The following AKAP19 variants were observed in gnomAD, a reference collection of about 807,000 sequenced individuals.
AKAP19 encodes A-kinase anchoring protein 19.
the AKAP19 span, among the ~76,000 whole-genome samples, chr2:189,882,487 C>A: frequency 0.064 from 9,707 of 152,134 alleles, 442 homozygotes; most frequent in African/African-American, 0.13. Context: ...AAAGGCAGGA[C>A]AACCTGAATC....
chr2:189,929,644 A>G, the AKAP19 span, among the ~76,000 whole-genome samples: 1 of 152,130 alleles, frequency 6.6e-6, no homozygotes, highest in East Asian at 1.9e-4. Context: ...CCTGACTGCA[A>G]ACAGAATATA....
At chr2:190,033,910 T>A in the AKAP19 span, among the ~76,000 whole-genome samples, 1 of 152,282 alleles carries the variant, frequency 6.6e-6, no homozygotes, top group Admixed American at 6.5e-5. Context: ...CATATCCAGT[T>A]TCCATTATAG....
At chr2:189,959,127 T>C in the AKAP19 span, among the ~76,000 whole-genome samples, 1 of 152,082 alleles carries the variant, frequency 6.6e-6, no homozygotes. Context: ...TATTCATATG[T>C]TATATACTTT....
At chr2:189,916,284 A>T in the AKAP19 span, among the ~76,000 whole-genome samples, 1 of 151,026 alleles carries the variant, frequency 6.6e-6, no homozygotes, top group Non-Finnish European at 1.5e-5. Flanking sequence ...CTCATATATT[A>T]TACTTCTATA....
chr2:189,999,264 A>T, the AKAP19 span, among the ~76,000 whole-genome samples: 2 of 151,950 alleles, frequency 1.3e-5, no homozygotes, highest in African/African-American at 4.8e-5. Context: ...CATCATATAC[A>T]TTTTGGTGTG....
chr2:190,057,028 C>A, the AKAP19 span: 1 of 524,218 alleles, frequency 1.9e-6, no homozygotes, highest in South Asian at 2.5e-5. Context: ...TGATCTCCTT[C>A]TAGCTCAAAA....
chr2:189,894,554 C>T, the AKAP19 span, among the ~76,000 whole-genome samples: 974 of 152,100 alleles, frequency 6.4e-3, 7 homozygotes, highest in Middle Eastern at 0.027. Flanking sequence ...CTTCTCGGAT[C>T]ACCTCATCTG....
At chr2:189,961,366 C>T in the AKAP19 span, among the ~76,000 whole-genome samples, 1 of 152,136 alleles carries the variant, frequency 6.6e-6, no homozygotes, top group Non-Finnish European at 1.5e-5. Context: ...ACACTGGCTT[C>T]ACAGCATAGG....
At chr2:190,196,829 G>C in the AKAP19 span, among the ~76,000 whole-genome samples, 1 of 152,132 alleles carries the variant, frequency 6.6e-6, no homozygotes, top group Non-Finnish European at 1.5e-5. Context: ...GAGCTGAGTA[G>C]TTGTAACATA....
At chr2:189,989,711 A>G in the AKAP19 span, among the ~76,000 whole-genome samples, 1 of 152,168 alleles carries the variant, frequency 6.6e-6, no homozygotes, top group African/African-American at 2.4e-5. Flanking sequence ...CATCTGGAAA[A>G]GTCTCTTTGA....
the AKAP19 span, among the ~76,000 whole-genome samples, chr2:189,956,169 T>TTTTTTCTC: frequency 5.0e-4 from 1 of 2,004 alleles, no homozygotes; most frequent in African/African-American, 8.3e-4. Context: ...GTATATTTTC[T>TTTTTTCTC]TTTTTTTCTT....
chr2:190,044,612 T>A, the AKAP19 span, among the ~76,000 whole-genome samples: 1 of 150,630 alleles, frequency 6.6e-6, no homozygotes, highest in South Asian at 2.1e-4. Flanking sequence ...TGGTGGGGGG[T>A]GACTGGAGGC....
chr2:190,022,208 A>T, the AKAP19 span, among the ~76,000 whole-genome samples: 1 of 152,132 alleles, frequency 6.6e-6, no homozygotes, highest in Non-Finnish European at 1.5e-5. Flanking sequence ...TGAATTTTGG[A>T]GGGAACAAAT....
chr2:190,157,946 G>A, the AKAP19 span, among the ~76,000 whole-genome samples: 2 of 152,150 alleles, frequency 1.3e-5, no homozygotes, highest in Non-Finnish European at 2.9e-5. Flanking sequence ...GCAGCCCGGC[G>A]CCAGGCCCAA....
chr2:190,130,271 A>G, the AKAP19 span, among the ~76,000 whole-genome samples: 2 of 152,216 alleles, frequency 1.3e-5, no homozygotes, highest in East Asian at 1.9e-4. Flanking sequence ...TCTCTAAGGC[A>G]TTTGAATTTT....
At chr2:190,186,874 C>G in the AKAP19 span, among the ~76,000 whole-genome samples, 1 of 152,168 alleles carries the variant, frequency 6.6e-6, no homozygotes, top group Non-Finnish European at 1.5e-5. This position sits in a 1 kb window ranked among gnomAD's most constrained non-coding sequence, Gnocchi z 5.5. Flanking sequence ...GAGTCTCACT[C>G]TATCGCCCAG....
At chr2:190,098,826 A>G in the AKAP19 span, among the ~76,000 whole-genome samples, 148 of 152,306 alleles carry the variant, frequency 9.7e-4, no homozygotes, top group Middle Eastern at 3.4e-3. Flanking sequence ...TAACTAACTT[A>G]CTGCAGCTTC....
At chr2:190,033,567 G>T in the AKAP19 span, among the ~76,000 whole-genome samples, 1 of 152,140 alleles carries the variant, frequency 6.6e-6, no homozygotes, top group African/African-American at 2.4e-5. Context: ...TTTGTAGAAT[G>T]AATTCATGAA....
the AKAP19 span, among the ~76,000 whole-genome samples, chr2:189,903,417 C>G: frequency 7.9e-5 from 12 of 151,998 alleles, no homozygotes; most frequent in African/African-American, 2.7e-4. Context: ...ATTCTTAGAA[C>G]AAGGCAAGGT....
Sources: allele counts gnomAD v4.1 joint callset (sites outside exome capture counted in the v4.1 genomes callset), GRCh38; gene constraint gnomAD v4.1.1; non-coding constraint Gnocchi (gnomAD v3.1); transcripts MANE v1.5; gene names NCBI Gene and HGNC (gene_info 2026-07-23, HGNC 2026-07-21).